MMP20: variants seen among roughly 807,000 people sequenced by gnomAD.
The protein encoded by MMP20 is matrix metallopeptidase 20.
MMP20 carries 50 observed loss-of-function variants against 51.8 expected under a neutral mutation model. The ratio of observed to expected loss-of-function variants is 0.97; its 90% CI spans 0.77 to 1.22. The LOEUF (loss-of-function observed/expected upper bound fraction) is 1.22. MMP20 is among the 50% of genes most tolerant of loss of function. The pLI is 0.00. For missense variants in MMP20, 663 were observed against 601.4 expected (o/e 1.10, Z -1.07); for synonymous variants, 244 against 216.2 (o/e 1.13, Z -1.13).
At chr11:102,588,763 C>G (rs78038102) in intron 8 of MMP20, among the ~76,000 whole-genome samples, 1 of 151,522 alleles carries the variant, frequency 6.6e-6, no homozygotes, top group East Asian at 1.9e-4. Flanking sequence ...TTTAGTATCT[C>G]TGGTCAGGCA....
At chr11:102,583,874 T>C (rs1028026751) in intron 8 of MMP20, among the ~76,000 whole-genome samples, 1 of 152,250 alleles carries the variant, frequency 6.6e-6, no homozygotes, top group African/African-American at 2.4e-5. Flanking sequence ...GGACATTTTA[T>C]ACAATATGCA....
At chr11:102,596,662 G>A (rs1179825439) in intron 6 of MMP20, among the ~76,000 whole-genome samples, 1 of 152,172 alleles carries the variant, frequency 6.6e-6, no homozygotes. Flanking sequence ...GATCCAGAAG[G>A]GCTGCTGGCC....
intron 8 of MMP20, among the ~76,000 whole-genome samples, chr11:102,587,429 T>C (rs1318376419): frequency 6.6e-6 from 1 of 152,188 alleles, no homozygotes; most frequent in Admixed American, 6.5e-5. Flanking sequence ...TTCTGCTCTT[T>C]TTGGGTATAG....
chr11:102,600,561 G>A (rs758518491), intron 6 of MMP20, among the ~76,000 whole-genome samples: 11 of 152,092 alleles, frequency 7.2e-5, no homozygotes, highest in African/African-American at 1.4e-4. Context: ...TCAGCTCACT[G>A]CAACCTCTGC....
At chr11:102,578,510 G>C (rs1207917777) in intron 9 of MMP20, among the ~76,000 whole-genome samples, 1 of 152,082 alleles carries the variant, frequency 6.6e-6, no homozygotes, top group African/African-American at 2.4e-5. Context: ...CTGACTAATC[G>C]ATTGAAGCTA....
At position 102,611,298 on chromosome 11, in the gene MMP20, G is replaced by A. The variant is rs149811705; in HGVS notation, c.523+457C>T. On this transcript the variant is annotated intron_variant, in intron 3 of 9. Coordinates refer to ENST00000260228, the MANE Select transcript of MMP20 (RefSeq NM_004771.4). Reference sequence around the variant, plus strand: ...CTGCAAGTGTGGGCAAGACAGAAACGATACTTTCCTAACCATTGCTGCAGG... The same window carrying A: ...CTGCAAGTGTGGGCAAGACAGAAACAATACTTTCCTAACCATTGCTGCAGG... 5.3e-3 allele frequency among the ~76,000 whole-genome samples: 801 copies of A among 152,274 alleles called. 11 individuals are homozygous for A. The highest frequency in any genetic ancestry group is 0.018 in the African/African-American group (760 of 41,546).
intron 1 of MMP20, among the ~76,000 whole-genome samples, chr11:102,620,447 G>T (rs563943485): frequency 6.6e-6 from 1 of 152,300 alleles, no homozygotes; most frequent in African/African-American, 2.4e-5. Context: ...CTGGGACAAA[G>T]AATTCAGAAT....
rs1859137079 is a variant in MMP20, at chr11:102,577,332, A to G, written c.1446T>C (p.Gly482=). 3 of 1,610,684 alleles carry G rather than the reference A, an allele frequency of 1.9e-6. No homozygotes were observed. The African/African-American group carries it at 4.0e-5, about 21-fold the overall frequency. ...VSVVKSSSWI[G]C ...GAAGACTAGGCTTTTCTATTTAGCA[A>G]CCAATCCAGGAACTAGATTTCACCA... The change falls in exon 10 of 10, where the codon GGT becomes GGC. Residue 482 remains glycine (G), a synonymous_variant. Coordinates refer to ENST00000260228, the MANE Select transcript of MMP20 (RefSeq NM_004771.4).
At chr11:102,621,174 A>AT (rs1384728388) in intron 1 of MMP20, among the ~76,000 whole-genome samples, 2 of 152,314 alleles carry the variant, frequency 1.3e-5, no homozygotes, top group Non-Finnish European at 2.9e-5. Context: ...CAGCAGGGCA[A>AT]TTATACCTTT....
intron 1 of MMP20, among the ~76,000 whole-genome samples, chr11:102,618,150 A>G (rs1429439172): frequency 6.6e-6 from 1 of 152,186 alleles, no homozygotes; most frequent in Non-Finnish European, 1.5e-5. Flanking sequence ...AAAGCTACAA[A>G]AAAAATGTCT....
intron 8 of MMP20, among the ~76,000 whole-genome samples, chr11:102,587,965 T>A (rs952328997): frequency 4.6e-5 from 7 of 152,154 alleles, no homozygotes; most frequent in African/African-American, 1.7e-4. Context: ...TAAAGTTGAA[T>A]TTATGCTTGC....
chr11:102,604,985 C>T lies in MMP20; in HGVS notation c.953+1550G>A, dbSNP rs1032021207. On this transcript the variant is annotated intron_variant, in intron 6 of 9. Coordinates refer to ENST00000260228, the MANE Select transcript of MMP20 (RefSeq NM_004771.4). ...ATGGGAATGCTCTGTGTTATGTGCC[C>T]TCCAAATTCCTATGCTGAAGCCTTT... 5.9e-5 allele frequency among the ~76,000 whole-genome samples: 9 copies of T among 152,308 alleles called. No homozygotes were observed. The South Asian group carries it at 1.9e-3, about 32-fold the overall frequency.
chr11:102,588,874 T>C (rs1859282984), intron 8 of MMP20, among the ~76,000 whole-genome samples: 1 of 150,232 alleles, frequency 6.7e-6, no homozygotes, highest in South Asian at 2.1e-4. Flanking sequence ...AGATTCTTGG[T>C]TGAGTCTTTT....
At chr11:102,597,585 T>C (rs2135935698) in intron 6 of MMP20, among the ~76,000 whole-genome samples, 1 of 152,234 alleles carries the variant, frequency 6.6e-6, no homozygotes, top group Non-Finnish European at 1.5e-5. Context: ...GGGATGCCAC[T>C]AAACATCCTA....
At chr11:102,603,182 A>C (rs1859470377) in intron 6 of MMP20, among the ~76,000 whole-genome samples, 1 of 152,208 alleles carries the variant, frequency 6.6e-6, no homozygotes, top group Non-Finnish European at 1.5e-5. Flanking sequence ...ATGTCCCATC[A>C]ACAGATCATT....
intron 1 of MMP20, among the ~76,000 whole-genome samples, chr11:102,618,962 G>A (rs1014537330): frequency 5.3e-5 from 8 of 152,062 alleles, no homozygotes; most frequent in Non-Finnish European, 7.4e-5. Context: ...CCCCATTGTT[G>A]TCCCTTGTAA....
chr11:102,577,318 T>G lies in MMP20; in HGVS notation c.*8A>C. On this transcript the variant is annotated 3_prime_UTR_variant, in exon 10 of 10. Coordinates refer to ENST00000260228, the MANE Select transcript of MMP20 (RefSeq NM_004771.4). ...TCCTCATTGCTTGAGAAGACTAGGCTTTTCTATTTAGCAACCAATCCAGGA... is the reference window on the plus strand; with the variant it reads ...TCCTCATTGCTTGAGAAGACTAGGCGTTTCTATTTAGCAACCAATCCAGGA... The G allele has an allele frequency of 6.3e-7, 1 of 1,596,202 alleles. No individual in the cohort carries two copies. The highest frequency in any genetic ancestry group is 8.6e-7 in the Non-Finnish European group (1 of 1,163,674).
intron 3 of MMP20, 111 bp from the exon 4 acceptor site, chr11:102,610,141 C>T: frequency 8.3e-7 from 1 of 1,204,562 alleles, no homozygotes. Context: ...CTTAAATTCA[C>T]TTTTCAGTAT....
At chr11:102,606,699 C>G in intron 5 of MMP20, 23 bp from the exon 6 acceptor site, 3 of 1,613,648 alleles carry the variant, frequency 1.9e-6, no homozygotes, top group Non-Finnish European at 2.5e-6. Context: ...ATGAGTTGGT[C>G]AAAATGGTAA....
Sources: gnomAD v4.1 joint callset for allele counts (sites outside exome capture counted in the v4.1 genomes callset) on GRCh38, gnomAD v4.1.1 for gene constraint, MANE v1.5 for transcripts, NCBI Gene and HGNC (gene_info 2026-07-23, HGNC 2026-07-21) for gene names.